Variants in ZNF487 observed in about 807,000 individuals in gnomAD.
ZNF487 encodes KRAB domain only 1.
A neutral mutation model predicts 3.0 loss-of-function variants in ZNF487; 4 were observed. The observed-to-expected ratio is 1.35, with a 90% CI of 0.66 to 3.08. The LOEUF (loss-of-function observed/expected upper bound fraction) is 3.08. ZNF487 is among the 30% of genes most tolerant of loss of function. The pLI is 0.01. For synonymous variants in ZNF487, 55 were observed against 34.6 expected, an observed-to-expected ratio of 1.59 and a Z score of -2.06; for missense variants, 146 against 98.7, an observed-to-expected ratio of 1.48 and a Z score of -2.03.
the ZNF487 span, among the ~76,000 whole-genome samples, chr10:43,510,716 T>G: frequency 6.6e-6 from 1 of 152,010 alleles, no homozygotes; most frequent in Non-Finnish European, 1.5e-5. Context: ...CCTGGCTAAT[T>G]TTTGTATTTT....
intron 1 of ZNF487, among the ~76,000 whole-genome samples, chr10:43,455,287 A>G (rs1840143940): frequency 6.6e-6 from 1 of 152,148 alleles, no homozygotes; most frequent in Non-Finnish European, 1.5e-5. Context: ...CTGGGTTTAC[A>G]GGCGTGAGCC....
At chr10:43,507,814 C>T in the ZNF487 span, among the ~76,000 whole-genome samples, 8 of 152,206 alleles carry the variant, frequency 5.3e-5, no homozygotes, top group Admixed American at 5.2e-4. Flanking sequence ...CCATTGGGCC[C>T]CTGAACCTTT....
the ZNF487 span, among the ~76,000 whole-genome samples, chr10:43,505,770 G>C: frequency 1.3e-5 from 2 of 152,058 alleles, no homozygotes; most frequent in African/African-American, 4.8e-5. Flanking sequence ...AGCCTCCTGA[G>C]TAGCTGGGAT....
rs750766065 is a variant in ZNF487 at position 43,442,238 on chromosome 10, A to AAAC, written c.-94+5006_-94+5008dup. On this transcript the variant is annotated intron_variant, in intron 1 of 3. Coordinates refer to ENST00000437590, the MANE Select transcript of ZNF487 (RefSeq NM_001355444.3). ...TCTACAGAGGGAGACCCTGTCTCTA[A>AAAC]AACAACAACAACAACAACAACAACA... 7.9e-3 allele frequency among the ~76,000 whole-genome samples: 1,174 copies of AAAC among 148,898 alleles called. 23 individuals carry two copies. Among genetic ancestry groups the AAAC allele is most frequent in the Admixed American group, 0.045 (666 of 14,924 alleles).
the ZNF487 span, among the ~76,000 whole-genome samples, chr10:43,503,160 G>A: frequency 6.6e-6 from 1 of 152,130 alleles, no homozygotes; most frequent in African/African-American, 2.4e-5. Flanking sequence ...AGACCCTCCA[G>A]TGGAACAAGA....
At chr10:43,521,041 G>C in the ZNF487 span, among the ~76,000 whole-genome samples, 4 of 152,136 alleles carry the variant, frequency 2.6e-5, no homozygotes, top group Non-Finnish European at 4.4e-5. Context: ...ATCTGGGTAA[G>C]AACAGGGTGA....
chr10:43,514,477 C>T, the ZNF487 span, among the ~76,000 whole-genome samples: 1 of 152,092 alleles, frequency 6.6e-6, no homozygotes, highest in African/African-American at 2.4e-5. Flanking sequence ...GACTTTTGTC[C>T]CTTCGACTTA....
At chr10:43,493,191 T>C in the ZNF487 span, among the ~76,000 whole-genome samples, 1 of 151,936 alleles carries the variant, frequency 6.6e-6, no homozygotes, top group Non-Finnish European at 1.5e-5. Context: ...GATTGCTCCA[T>C]TGCACTCCAG....
At chr10:43,459,768 TTTATTATTATTA>T (rs71016770) in intron 1 of ZNF487, among the ~76,000 whole-genome samples, 36,743 of 138,206 alleles carry the variant, frequency 0.27, 7,062 homozygotes, top group African/African-American at 0.56. Flanking sequence ...AGGCTGTGAG[TTTATTATTATTA>T]TTATTATTAT....
intron 1 of ZNF487, among the ~76,000 whole-genome samples, chr10:43,470,830 C>CT (rs142504437): frequency 1.0e-4 from 15 of 148,370 alleles, no homozygotes; most frequent in Middle Eastern, 3.5e-3. Context: ...TAACTTTTTC[C>CT]TTTTTTTTTT....
At chr10:43,520,216 AC>A in the ZNF487 span, among the ~76,000 whole-genome samples, 1 of 151,784 alleles carries the variant, frequency 6.6e-6, no homozygotes, top group African/African-American at 2.4e-5. Context: ...AAATTTTTCT[AC>A]CCCCAGAGAG....
intron 1 of ZNF487, among the ~76,000 whole-genome samples, chr10:43,465,899 T>C (rs1012653623): frequency 1.2e-4 from 18 of 152,236 alleles, no homozygotes; most frequent in African/African-American, 3.9e-4. Context: ...CTGGGCACCA[T>C]TGAGCACTGA....
the ZNF487 span, among the ~76,000 whole-genome samples, chr10:43,520,900 G>A: frequency 6.6e-6 from 1 of 152,188 alleles, no homozygotes; most frequent in Admixed American, 6.5e-5. Context: ...GTTGCCAATA[G>A]CAAATAGAAT....
the ZNF487 span, among the ~76,000 whole-genome samples, chr10:43,522,959 A>C: frequency 6.6e-6 from 1 of 152,084 alleles, no homozygotes; most frequent in Non-Finnish European, 1.5e-5. Flanking sequence ...TGCCTCTACC[A>C]TTCATCCTAA....
intron 1 of ZNF487, among the ~76,000 whole-genome samples, chr10:43,463,089 C>T (rs773658250): frequency 1.3e-5 from 2 of 151,228 alleles, no homozygotes; most frequent in Non-Finnish European, 2.9e-5. Context: ...ACAAAATTAG[C>T]TGGGTGAGGT....
intron 1 of ZNF487, among the ~76,000 whole-genome samples, chr10:43,462,576 C>T (rs1000367180): frequency 6.0e-5 from 9 of 151,136 alleles, no homozygotes; most frequent in African/African-American, 2.2e-4. Context: ...CTGCCTCAGC[C>T]TCCTGAGTAG....
Position 43,437,270 on chromosome 10 carries a change from G to T in ZNF487, c.-94+8G>T, listed in dbSNP as rs1839422147. 1 of 209,516 alleles carries T rather than the reference G, an allele frequency of 4.8e-6. No individual in the cohort carries two copies. Among genetic ancestry groups the T allele is most frequent in the Admixed American group, 6.3e-5 (1 of 15,874 alleles). 13.0% of individuals were successfully genotyped at this position (209,516 alleles called of 1,614,324 possible). On this transcript the variant is annotated splice_region_variant and intron_variant, in intron 1 of 3. Coordinates refer to ENST00000437590, the MANE Select transcript of ZNF487 (RefSeq NM_001355444.3). ...GGAGCCTCCGAGGCCGAGGTGAGGGGCGGCCGGCGGGCAGGGGCCGGGTCT... is the reference window on the plus strand; with the variant it reads ...GGAGCCTCCGAGGCCGAGGTGAGGGTCGGCCGGCGGGCAGGGGCCGGGTCT...
downstream of ZNF487, among the ~76,000 whole-genome samples, chr10:43,485,466 A>G (rs563168290): frequency 8.5e-5 from 13 of 152,344 alleles, 2 homozygotes; most frequent in South Asian, 2.5e-3. Flanking sequence ...ACTTCCTGGC[A>G]ATGAGTCTAA....
intron 1 of ZNF487, among the ~76,000 whole-genome samples, chr10:43,447,985 A>ATTTTTTTTTTTTTT: frequency 1.0e-5 from 1 of 100,150 alleles, no homozygotes; most frequent in Non-Finnish European, 1.8e-5. Flanking sequence ...CTTGGAAACC[A>ATTTTTTTTTTTTTT]TTTTTTTTTT....
Sources: allele counts gnomAD v4.1 joint callset (sites outside exome capture counted in the v4.1 genomes callset), GRCh38; gene constraint gnomAD v4.1.1; transcripts MANE v1.5; gene names NCBI Gene and HGNC (gene_info 2026-07-23, HGNC 2026-07-21).